Variants in TBC1D31 observed in about 807,000 individuals in gnomAD.
The protein encoded by TBC1D31 is TBC1 domain family member 31.
In TBC1D31, 99 loss-of-function variants were observed where a neutral mutation model predicts 132.9. The ratio of observed to expected loss-of-function variants is 0.74; its 90% CI spans 0.63 to 0.88. TBC1D31 has a LOEUF of 0.88. Among genes scored for constraint, TBC1D31 ranks in the 40% least tolerant of loss-of-function variants. The pLI is 0.00. For missense variants in TBC1D31, 1,134 were observed against 1,256.6 expected, an observed-to-expected ratio of 0.90 and a Z score of 1.48; for synonymous variants, 385 against 419.4, an observed-to-expected ratio of 0.92 and a Z score of 1.00.
chr8:123,112,572 CT>C (rs1037418112), intron 10 of TBC1D31, among the ~76,000 whole-genome samples: 20 of 152,160 alleles, frequency 1.3e-4, no homozygotes, highest in African/African-American at 4.6e-4. Context: ...AAATATTCAT[CT>C]TTTTTTTATA....
At chr8:123,109,822 A>C (rs758640938) in intron 10 of TBC1D31, among the ~76,000 whole-genome samples, 3 of 152,212 alleles carry the variant, frequency 2.0e-5, no homozygotes, top group Non-Finnish European at 4.4e-5. Flanking sequence ...GGACTCTTTC[A>C]GTTAATCTGA....
intron 4 of TBC1D31, among the ~76,000 whole-genome samples, chr8:123,087,717 A>C (rs1021143363): frequency 6.6e-6 from 1 of 152,258 alleles, no homozygotes; most frequent in Admixed American, 6.5e-5. Flanking sequence ...ATAGTTGCCA[A>C]CGCAAACCTT....
rs549787611 is a variant in TBC1D31, at chr8:123,138,441, C to G, written c.2500-2320C>G. 2.9e-4 allele frequency among the ~76,000 whole-genome samples: 44 copies of G among 152,244 alleles called. No individual in the cohort carries two copies. In the South Asian group the frequency reaches 5.8e-3, roughly 20 times the overall value. Reference sequence around the variant, plus strand: ...GATTAGAAAAGTAGAAAAAATCCCTCGAGAAATAACAACTGCTAATGTCAT... The same window carrying G: ...GATTAGAAAAGTAGAAAAAATCCCTGGAGAAATAACAACTGCTAATGTCAT... On this transcript the variant is annotated intron_variant, in intron 17 of 21. Transcript: ENST00000287380.
rs1305421154 is a variant in TBC1D31 at position 123,126,693 on chromosome 8, G to A, written c.1884+6G>A. 1.1e-5 allele frequency: 17 copies of A among 1,600,502 alleles called. No homozygotes were observed. The highest frequency in any genetic ancestry group is 1.4e-5 in the Non-Finnish European group (16 of 1,174,608). On this transcript the variant is annotated splice_donor_region_variant and intron_variant, in intron 13 of 21. Transcript: ENST00000287380. The stretch of plus-strand genomic sequence containing the variant: ...ATCTTAAAGATGACTTTGAGGTAAC[G>A]GTCCTTGTTCTTAAGAGAAGGTTCT...
chr8:123,083,858 A>G, intron 3 of TBC1D31: 5 of 259,492 alleles, frequency 1.9e-5, no homozygotes, highest in Non-Finnish European at 3.6e-5. Flanking sequence ...TAGACTAGAT[A>G]TGGTACTCTT....
rs974147600 is a variant in TBC1D31, at chr8:123,134,089, T to G, written c.2407-25T>G. On this transcript the variant is annotated intron_variant, in intron 16 of 21. Transcript: ENST00000287380. The stretch of plus-strand genomic sequence containing the variant: ...ATTATTTTGTAAATTCTTTTTGGTA[T>G]TTACAGTTTGTTGTTTGGCCATAGG... 9 of 1,550,600 alleles carry G rather than the reference T, an allele frequency of 5.8e-6. No individual in the cohort carries two copies. In the African/African-American group the frequency reaches 9.6e-5, roughly 16 times the overall value.
chr8:123,077,770 C>T (rs1416649187), intron 2 of TBC1D31, among the ~76,000 whole-genome samples: 1 of 152,122 alleles, frequency 6.6e-6, no homozygotes, highest in East Asian at 1.9e-4. Flanking sequence ...TGATTTTCAG[C>T]TGGGTGTGGT....
rs1413486218 is a variant in TBC1D31 at position 123,082,770 on chromosome 8, A to C, written c.293A>C (p.Glu98Ala). 1.2e-6 allele frequency: 2 copies of C among 1,613,310 alleles called. No homozygotes were observed. Among genetic ancestry groups the C allele is most frequent in the African/African-American group, 1.3e-5 (1 of 74,928 alleles). ...GCCTTTAATCTTCGTAGGAAATCTG[A>C]ATTCCTTGTGGCATTAGCTGATTAT... ...ALAFNLRRKSEFLVALADYSI... is the reference protein window; with the variant it reads ...ALAFNLRRKSAFLVALADYSI... The change falls in exon 3 of 22, where the codon GAA becomes GCA. Residue 98 changes from glutamate (E) to alanine (A), a missense_variant. Coordinates refer to ENST00000287380, the MANE Select transcript of TBC1D31 (RefSeq NM_145647.4).
chr8:123,145,901 G>A (rs1158251145), intron 20 of TBC1D31, among the ~76,000 whole-genome samples: 10 of 126,684 alleles, frequency 7.9e-5, no homozygotes, highest in Admixed American at 2.7e-4. Context: ...ACAGAGTTTC[G>A]CTCTTGTCTC....
At chr8:123,157,800 G>A in the TBC1D31 span, among the ~76,000 whole-genome samples, 1 of 151,240 alleles carries the variant, frequency 6.6e-6, no homozygotes, top group African/African-American at 2.4e-5. Context: ...GACTCCTCCC[G>A]GCGCCCCAGG....
intron 6 of TBC1D31, among the ~76,000 whole-genome samples, chr8:123,099,155 T>G (rs575461637): frequency 1.3e-5 from 2 of 152,340 alleles, no homozygotes; most frequent in South Asian, 2.1e-4. Context: ...AGTCTCGCTC[T>G]GTCACCCAGG....
intron 17 of TBC1D31, among the ~76,000 whole-genome samples, chr8:123,136,575 C>G (rs529279326): frequency 6.6e-6 from 1 of 152,062 alleles, no homozygotes; most frequent in African/African-American, 2.4e-5. Flanking sequence ...CTCAGCCTCC[C>G]GAGTAGCTGG....
intron 2 of TBC1D31, 32 bp from the exon 3 acceptor site, chr8:123,082,670 T>A: frequency 7.0e-7 from 1 of 1,434,076 alleles, no homozygotes. Context: ...ATTGGAAGAA[T>A]TTGTGATACT....
At chr8:123,118,040 A>C (rs1255184858) in intron 10 of TBC1D31, among the ~76,000 whole-genome samples, 3 of 152,256 alleles carry the variant, frequency 2.0e-5, no homozygotes, top group Non-Finnish European at 4.4e-5. Context: ...GTATCAGACA[A>C]ACCCAAATTG....
chr8:123,106,971 G>A (rs1339124323), intron 8 of TBC1D31, among the ~76,000 whole-genome samples: 2 of 152,162 alleles, frequency 1.3e-5, no homozygotes, highest in Non-Finnish European at 2.9e-5. Context: ...GAATATGTGT[G>A]GCAATATGTG....
At chr8:123,098,927 T>TTTA (rs1817094265) in intron 6 of TBC1D31, among the ~76,000 whole-genome samples, 1 of 152,156 alleles carries the variant, frequency 6.6e-6, no homozygotes, top group Non-Finnish European at 1.5e-5. Flanking sequence ...ACAGGAGAAC[T>TTTA]TTATAGAGTG....
Position 123,126,125 on chromosome 8 carries a change from A to G in TBC1D31, c.1640A>G (p.Asn547Ser), listed in dbSNP as rs1820002151. Residue 547 changes from asparagine (N) to serine (S), a missense_variant, in exon 12 of 22, where the codon AAT becomes AGT. Transcript: ENST00000287380. ...ATCAATATTCTTAGCATGATAGAAA[A>G]TGTTTTGGCATTTCATGACAAGGAA... ...PPINILSMIE[N>S]VLAFHDKELL... The G allele has an allele frequency of 1.9e-6, 3 of 1,612,300 alleles. No homozygotes were observed. In the African/African-American group the frequency reaches 4.0e-5, roughly 22 times the overall value.
chr8:123,161,904 G>A, the TBC1D31 span, among the ~76,000 whole-genome samples: 2 of 150,866 alleles, frequency 1.3e-5, no homozygotes, highest in Non-Finnish European at 2.9e-5. Flanking sequence ...TGTGATCCCA[G>A]CTACTCGGGA....
chr8:123,159,177 C>T, the TBC1D31 span, among the ~76,000 whole-genome samples: 1 of 151,346 alleles, frequency 6.6e-6, no homozygotes, highest in Non-Finnish European at 1.5e-5. Flanking sequence ...AACAGCCCCA[C>T]TTTCGGGTGT....
Sources: allele counts gnomAD v4.1 joint callset (sites outside exome capture counted in the v4.1 genomes callset), GRCh38; gene constraint gnomAD v4.1.1; transcripts MANE v1.5; gene names NCBI Gene and HGNC (gene_info 2026-07-23, HGNC 2026-07-21).